ARSB: variants seen among roughly 807,000 people sequenced by gnomAD.
The protein encoded by ARSB is N-acetylgalactosamine-4-sulfatase.
Under a neutral mutation model 50.9 loss-of-function variants are expected in ARSB, and 41 were observed. The ratio of observed to expected loss-of-function variants is 0.81; its 90% confidence interval spans 0.63 to 1.04. The LOEUF (loss-of-function observed/expected upper bound fraction) is 1.04, where lower values mean the gene tolerates loss of function less well. Ranked by LOEUF, ARSB falls within the 50% of genes least tolerant of loss-of-function variation. The pLI, the probability that ARSB is intolerant of heterozygous loss-of-function variation, is 0.00. For synonymous variants in ARSB, 269 were observed against 284.8 expected, an observed-to-expected ratio of 0.94 and a Z score of 0.56; for missense variants, 672 against 693.3, an observed-to-expected ratio of 0.97 and a Z score of 0.35.
At position 78,802,258 on chromosome 5, in the gene ARSB, C is replaced by G. The variant is rs895960797; in HGVS notation, c.1214-20284G>C. 8.6e-5 allele frequency among the ~76,000 whole-genome samples: 13 copies of G among 152,042 alleles called. 1 individual carries two copies. In the East Asian group the frequency reaches 2.5e-3, roughly 29 times the overall value. On this transcript the variant is annotated intron_variant, in intron 6 of 7. Coordinates refer to ENST00000264914, the MANE Select transcript of ARSB (RefSeq NM_000046.5). Reference sequence around the variant, plus strand: ...AATCAGGGCAACCCCTGTTCATCTTCCATAACACGTCTTACAATTTATCAT... The same window carrying G: ...AATCAGGGCAACCCCTGTTCATCTTGCATAACACGTCTTACAATTTATCAT...
intron 6 of ARSB, among the ~76,000 whole-genome samples, chr5:78,787,130 CTATCTATA>C (rs1406334764): frequency 4.1e-4 from 61 of 150,492 alleles, no homozygotes; most frequent in Non-Finnish European, 6.0e-4. Flanking sequence ...ATCTATCTAT[CTATCTATA>C]TAGATACAGG....
intron 1 of ARSB, among the ~76,000 whole-genome samples, chr5:78,969,855 G>A (rs1177104760): frequency 2.0e-5 from 3 of 152,240 alleles, no homozygotes; most frequent in Non-Finnish European, 4.4e-5. Context: ...CTGACCTCAG[G>A]TGATCTGCCT....
chr5:78,853,496 G>A (rs972261499), intron 5 of ARSB, among the ~76,000 whole-genome samples: 7 of 152,222 alleles, frequency 4.6e-5, no homozygotes, highest in South Asian at 2.1e-4. Context: ...TAGGTTGCTC[G>A]GGGTTCAGGG....
chr5:78,861,228 C>T (rs186843164), intron 5 of ARSB, among the ~76,000 whole-genome samples: 2,046 of 152,136 alleles, frequency 0.013, 65 homozygotes, highest in Admixed American at 0.074. Flanking sequence ...TTCCAATCAA[C>T]AGAAAAAGAG....
intron 5 of ARSB, among the ~76,000 whole-genome samples, chr5:78,875,560 G>A (rs7704725): frequency 0.23 from 34,918 of 151,966 alleles, 4,795 homozygotes; most frequent in Admixed American, 0.31. Flanking sequence ...CAGGATTGCA[G>A]TTTTGGTATT....
chr5:78,779,997 T>G lies in ARSB; in HGVS notation c.*400A>C, dbSNP rs1748877880. ...ATTAATCACTGTCTGCTCCCTTCAT[T>G]TGCGTAAGAAATGTGATTCACTCCA... On this transcript the variant is annotated 3_prime_UTR_variant, in exon 8 of 8. Transcript: ENST00000264914. 1 of 278,920 alleles carries G rather than the reference T, an allele frequency of 3.6e-6. No individual in the cohort carries two copies. The highest frequency in any genetic ancestry group is 7.0e-6 in the Non-Finnish European group (1 of 142,660). The allele number at this position is 278,920 out of a possible 1,614,324, so 17.3% of individuals were successfully genotyped here.
At chr5:78,968,357 A>ATTT (rs1752300368) in intron 2 of ARSB, among the ~76,000 whole-genome samples, 1 of 116,586 alleles carries the variant, frequency 8.6e-6, no homozygotes, top group Non-Finnish European at 1.9e-5. Context: ...TATTATTATT[A>ATTT]TTATTTTTGA....
intron 5 of ARSB, among the ~76,000 whole-genome samples, chr5:78,850,443 C>T (rs1745708584): frequency 1.3e-5 from 2 of 152,010 alleles, no homozygotes; most frequent in African/African-American, 4.8e-5. Flanking sequence ...TTTTGATGTG[C>T]TGCTGGATTT....
intron 5 of ARSB, among the ~76,000 whole-genome samples, chr5:78,866,390 A>G (rs953015904): frequency 1.3e-5 from 2 of 152,158 alleles, no homozygotes. Context: ...CCATGATTCA[A>G]TTACCTCCCA....
chr5:78,794,911 GA>G (rs1160878782), intron 6 of ARSB, among the ~76,000 whole-genome samples: 1 of 152,148 alleles, frequency 6.6e-6, no homozygotes, highest in Non-Finnish European at 1.5e-5. Flanking sequence ...CAGCAAGATT[GA>G]GATCCCTGGC....
intron 4 of ARSB, among the ~76,000 whole-genome samples, chr5:78,938,389 A>G (rs1750734124): frequency 6.6e-6 from 1 of 152,276 alleles, no homozygotes; most frequent in South Asian, 2.1e-4. Context: ...ATGACTGGCT[A>G]TGGAAAAGTT....
rs570024127 is a variant in ARSB, at chr5:78,787,156, A to G, written c.1214-5182T>C. Among the ~76,000 whole-genome samples the G allele has an allele frequency of 1.5e-4, 23 of 150,064 alleles. No individual in the cohort carries two copies. In the South Asian group the frequency reaches 3.0e-3, roughly 19 times the overall value. On this transcript the variant is annotated intron_variant, in intron 6 of 7. Transcript: ENST00000264914. ...TATCTATATAGATACAGGTTTCACTATGTTGGCCAGGCTGGTCTCTAGCTC... is the reference window on the plus strand; with the variant it reads ...TATCTATATAGATACAGGTTTCACTGTGTTGGCCAGGCTGGTCTCTAGCTC...
chr5:78,813,187 C>A (rs932976235), intron 6 of ARSB, among the ~76,000 whole-genome samples: 4 of 151,974 alleles, frequency 2.6e-5, no homozygotes, highest in African/African-American at 9.7e-5. Context: ...GCCTCAGCCT[C>A]CCAGGTAGCT....
chr5:78,781,743 C>T (rs994375747), intron 7 of ARSB, 109 bp downstream of exon 7: 24 of 1,487,132 alleles, frequency 1.6e-5, no homozygotes, highest in Admixed American at 1.5e-4. Flanking sequence ...GAGAAATGGC[C>T]GTGGGAATCA....
At chr5:78,891,001 C>G (rs1748266772) in intron 4 of ARSB, among the ~76,000 whole-genome samples, 1 of 152,156 alleles carries the variant, frequency 6.6e-6, no homozygotes, top group South Asian at 2.1e-4. Flanking sequence ...TATTGTTAAT[C>G]AGTTGTTCAT....
intron 6 of ARSB, among the ~76,000 whole-genome samples, chr5:78,833,010 C>A (rs1744759202): frequency 6.6e-6 from 1 of 152,192 alleles, no homozygotes; most frequent in African/African-American, 2.4e-5. Flanking sequence ...ATCATTACTG[C>A]AGAACAGCCA....
At chr5:78,848,018 G>A (rs1308646134) in intron 5 of ARSB, among the ~76,000 whole-genome samples, 2 of 150,924 alleles carry the variant, frequency 1.3e-5, no homozygotes, top group African/African-American at 2.4e-5. Flanking sequence ...TAATTTCATC[G>A]ATCTTTTGTA....
intron 1 of ARSB, among the ~76,000 whole-genome samples, chr5:78,974,717 A>G (rs150456908): frequency 6.0e-4 from 92 of 152,332 alleles, no homozygotes; most frequent in African/African-American, 2.1e-3. Flanking sequence ...TAAAAGATAT[A>G]AAATCTGGAA....
chr5:78,900,768 A>G (rs75914274), intron 4 of ARSB, among the ~76,000 whole-genome samples: 5,694 of 152,206 alleles, frequency 0.037, 352 homozygotes, highest in African/African-American at 0.13. Flanking sequence ...GGGCGGGCGC[A>G]GTAGCTCACG....
Sources: gnomAD v4.1 joint callset for allele counts (sites outside exome capture counted in the v4.1 genomes callset) on GRCh38, gnomAD v4.1.1 for gene constraint, MANE v1.5 for transcripts, NCBI Gene and HGNC (gene_info 2026-07-23, HGNC 2026-07-21) for gene names.